CCDC57: variants seen among roughly 807,000 people sequenced by gnomAD.
CCDC57 encodes coiled-coil domain-containing protein 57.
Under a neutral mutation model 118.9 loss-of-function variants are expected in CCDC57, and 118 were observed. The observed-to-expected ratio is 0.99, with a 90% CI of 0.86 to 1.16. The LOEUF (loss-of-function observed/expected upper bound fraction) is 1.16. Among genes scored for constraint, CCDC57 ranks in the 50% most tolerant of loss-of-function variants. The pLI is 0.00. For missense variants in CCDC57, 1,300 were observed against 1,320.7 expected, an observed-to-expected ratio of 0.98 and a Z score of 0.24; for synonymous variants, 527 against 532.9, an observed-to-expected ratio of 0.99 and a Z score of 0.15.
intron 11 of CCDC57, among the ~76,000 whole-genome samples, chr17:82,176,042 C>T (rs2045426792): frequency 6.6e-6 from 1 of 152,184 alleles, no homozygotes; most frequent in Non-Finnish European, 1.5e-5. Context: ...GCGGGGCTTG[C>T]TTGTCTGACA....
In CCDC57 at chr17:82,118,705, C is replaced by T. The variant is rs1295749742; in HGVS notation, c.2899+8987G>A. Among the ~76,000 whole-genome samples the T allele has an allele frequency of 2.0e-5, 3 of 152,062 alleles. No homozygotes were observed. The highest frequency in any genetic ancestry group is 2.1e-4 in the South Asian group (1 of 4,822). On this transcript the variant is annotated intron_variant, in intron 19 of 19. Transcript: ENST00000665763. This position sits in a 1 kb window ranked among gnomAD's most constrained non-coding sequence, Gnocchi z 4.7. Reference sequence around the variant, plus strand: ...CTGGAACTGCCTTAGGGAGAGCTTCCGTCCGCACTGGGTGCCACTCAGTCT... The same window carrying T: ...CTGGAACTGCCTTAGGGAGAGCTTCTGTCCGCACTGGGTGCCACTCAGTCT...
Position 82,149,106 on chromosome 17 carries a change from T to C in CCDC57, c.2455+2454A>G, listed in dbSNP as rs1339176867. ...GTGGGTAGATGGATGGATGGGTAGA[T>C]GGGATAAGTGGTTGCATGGATGGAT... On this transcript the variant is annotated intron_variant, in intron 16 of 19. Coordinates refer to ENST00000665763, the Ensembl canonical transcript of CCDC57. Among the ~76,000 whole-genome samples, 2 of 85,250 alleles carry C rather than the reference T, an allele frequency of 2.3e-5. 1 individual carries two copies. The highest frequency in any genetic ancestry group is 9.0e-5 in the African/African-American group (2 of 22,244). The allele number at this position is 85,250 out of a possible 152,430, so 55.9% of individuals were successfully genotyped here. A position where few individuals can be genotyped will look rare whatever the true frequency, so the allele number is the denominator to read the frequency against.
At chr17:82,123,122 CTTTTTTTTTT>C (rs34869339) in intron 19 of CCDC57, among the ~76,000 whole-genome samples, 1 of 105,766 alleles carries the variant, frequency 9.5e-6, no homozygotes, top group Non-Finnish European at 1.9e-5. Flanking sequence ...CTCCTAATAA[CTTTTTTTTTT>C]TTTTTTTTTT....
At chr17:82,201,076 T>A (rs1046128724) in intron 3 of CCDC57, among the ~76,000 whole-genome samples, 12 of 152,158 alleles carry the variant, frequency 7.9e-5, no homozygotes. Flanking sequence ...GCTGAGGGGA[T>A]ACCAGGCATG....
chr17:82,190,612 T>C (rs1345666080), intron 7 of CCDC57, among the ~76,000 whole-genome samples: 1 of 150,572 alleles, frequency 6.6e-6, no homozygotes, highest in Non-Finnish European at 1.5e-5. Flanking sequence ...TGAGAATAGC[T>C]TGAACTCAAG....
intron 16 of CCDC57, among the ~76,000 whole-genome samples, chr17:82,146,782 T>C (rs1010643389): frequency 3.9e-5 from 6 of 152,130 alleles, no homozygotes; most frequent in African/African-American, 9.7e-5. Flanking sequence ...CACATACAAA[T>C]GTATGTGCAC....
chr17:82,109,965 A>T (rs911740566), intron 19 of CCDC57, among the ~76,000 whole-genome samples: 2 of 151,854 alleles, frequency 1.3e-5, no homozygotes, highest in South Asian at 4.1e-4. Flanking sequence ...AGAAAACGTC[A>T]TAAGAGGCAA....
At chr17:82,125,077 C>T (rs981574783) in intron 19 of CCDC57, among the ~76,000 whole-genome samples, 10 of 152,132 alleles carry the variant, frequency 6.6e-5, no homozygotes, top group African/African-American at 2.2e-4. Flanking sequence ...GAGAGAAACG[C>T]GCCACATTCG....
At chr17:82,108,447 A>G (rs1392855716) in intron 19 of CCDC57, among the ~76,000 whole-genome samples, 26 of 152,220 alleles carry the variant, frequency 1.7e-4, no homozygotes, top group Admixed American at 1.7e-3. Flanking sequence ...CCGAAAGCCT[A>G]AAACAACAGT....
chr17:82,159,748 T>C (rs1334362237), intron 14 of CCDC57, among the ~76,000 whole-genome samples: 1 of 151,646 alleles, frequency 6.6e-6, no homozygotes, highest in Non-Finnish European at 1.5e-5. Flanking sequence ...CTCAGCTCAC[T>C]GCAACCTCCG....
At chr17:82,160,965 CT>C (rs1041685015) in intron 14 of CCDC57, among the ~76,000 whole-genome samples, 2 of 150,422 alleles carry the variant, frequency 1.3e-5, no homozygotes, top group Non-Finnish European at 3.0e-5. Flanking sequence ...TAATAAGGGA[CT>C]TGTATCTGGA....
At chr17:82,126,292 A>G (rs1009807729) in intron 19 of CCDC57, 1 of 742,320 alleles carries the variant, frequency 1.3e-6, no homozygotes, top group Non-Finnish European at 1.6e-6. Context: ...AAGGAAAAAA[A>G]AAAAAAACAG....
chr17:82,203,434 T>G (rs2146940462), intron 2 of CCDC57, among the ~76,000 whole-genome samples: 1 of 152,358 alleles, frequency 6.6e-6, no homozygotes, highest in South Asian at 2.1e-4. Context: ...TCTTTTGTTC[T>G]TTTATTTGTT....
chr17:82,174,261 C>G lies in CCDC57; in HGVS notation c.1507-1401G>C, dbSNP rs562120713. On this transcript the variant is annotated intron_variant, in intron 11 of 19. Coordinates refer to ENST00000665763, the Ensembl canonical transcript of CCDC57. ...CCCTGGCAAGGCCAGCTGGCCTGGG[C>G]TCCCAGGAGGAGAGCTTCACACGCT... 4.6e-5 allele frequency among the ~76,000 whole-genome samples: 7 copies of G among 152,370 alleles called. No homozygotes were observed. In the South Asian group the frequency reaches 1.2e-3, roughly 27 times the overall value.
At chr17:82,103,234 C>T (rs1309537922) in intron 19 of CCDC57, among the ~76,000 whole-genome samples, 2 of 152,336 alleles carry the variant, frequency 1.3e-5, no homozygotes, top group South Asian at 2.1e-4. Context: ...TCTTCCACTC[C>T]GATCCACTCT....
chr17:82,107,848 G>T (rs535563092), intron 19 of CCDC57, among the ~76,000 whole-genome samples: 1 of 152,140 alleles, frequency 6.6e-6, no homozygotes, highest in Non-Finnish European at 1.5e-5. Flanking sequence ...CAGTGCCATC[G>T]GGTGCTCTCA....
chr17:82,141,763 C>A (rs7503225), intron 16 of CCDC57, among the ~76,000 whole-genome samples: 70,768 of 151,910 alleles, frequency 0.47, 17,276 homozygotes, highest in East Asian at 0.88. Flanking sequence ...CCGCACATTA[C>A]CTGTCTGATG....
chr17:82,112,658 G>C (rs934336820), intron 19 of CCDC57: 3 of 152,320 alleles, frequency 2.0e-5, no homozygotes, highest in African/African-American at 7.2e-5. Context: ...TGCAGTCTCA[G>C]CTCCGTAAGG....
intron 1 of CCDC57, among the ~76,000 whole-genome samples, chr17:82,210,680 T>A: frequency 8.6e-6 from 1 of 116,932 alleles, no homozygotes. Flanking sequence ...AGACTCAGTC[T>A]CAAAAAAATA....
Sources: gnomAD v4.1 joint callset for allele counts (sites outside exome capture counted in the v4.1 genomes callset) on GRCh38, gnomAD v4.1.1 for gene constraint, Gnocchi (gnomAD v3.1) non-coding constraint, MANE v1.5 for transcripts, NCBI Gene and HGNC (gene_info 2026-07-23, HGNC 2026-07-21) for gene names.